Variants in TFAP2C observed in about 807,000 individuals in gnomAD.
TFAP2C encodes transcription factor AP-2 gamma, also known as activating enhancer-binding protein 2 gamma.
TFAP2C carries 9 observed loss-of-function variants against 42.9 expected under a neutral mutation model. The observed-to-expected ratio is 0.21, with a 90% CI of 0.13 to 0.37. The LOEUF is 0.37. Among genes scored for constraint, TFAP2C ranks in the 10% least tolerant of loss-of-function variants. The pLI is 1.00. For synonymous variants in TFAP2C, 264 were observed against 256.0 expected (o/e 1.03, Z -0.30); for missense variants, 462 against 591.7 (o/e 0.78, Z 2.27).
chr20:56,634,064 CT>C, intron 4 of TFAP2C, 85 bp from the exon 5 acceptor site: 1 of 881,794 alleles, frequency 1.1e-6, no homozygotes, highest in Non-Finnish European at 1.9e-6. Context: ...GACAGCAGCA[CT>C]TTAGGAGTTT....
chr20:56,631,179 TCTC>T lies in TFAP2C; in HGVS notation c.49-23_49-21del. ...GTAGCGGGGTTTCGCACTAACGGGG[TCTC>T]CTGTTTTTTTTTTTCCCTCCAGGAT... On this transcript the variant is annotated intron_variant, in intron 1 of 6. Coordinates refer to ENST00000201031, the MANE Select transcript of TFAP2C (RefSeq NM_003222.4). This position sits in a 1 kb window ranked among gnomAD's most constrained non-coding sequence, Gnocchi z 6.1. 6.8e-7 allele frequency: 1 copy of T among 1,477,788 alleles called. No homozygotes were observed. Among genetic ancestry groups the T allele is most frequent in the Non-Finnish European group, 9.0e-7 (1 of 1,117,028 alleles). 91.5% of individuals were successfully genotyped at this position (1,477,788 alleles called of 1,614,324 possible).
chr20:56,629,471 T>C lies in TFAP2C; in HGVS notation c.-74T>C. Reference sequence around the variant, plus strand: ...AGACGCCTGGTCACCGTGACCCCGATTTTGGATTTACCGCTTGGGGGCTGG... The same window carrying C: ...AGACGCCTGGTCACCGTGACCCCGACTTTGGATTTACCGCTTGGGGGCTGG... On this transcript the variant is annotated 5_prime_UTR_variant, in exon 1 of 7. Coordinates refer to ENST00000201031, the MANE Select transcript of TFAP2C (RefSeq NM_003222.4). The surrounding 1 kb of genome is among the most constrained non-coding windows in gnomAD (Gnocchi z 5.9). 2 of 1,299,226 alleles carry C rather than the reference T, an allele frequency of 1.5e-6. No homozygotes were observed. Among genetic ancestry groups the C allele is most frequent in the Non-Finnish European group, 2.0e-6 (2 of 1,002,840 alleles). 80.5% of individuals were successfully genotyped at this position (1,299,226 alleles called of 1,614,324 possible).
rs2146445894 is a variant in TFAP2C at position 56,630,886 on chromosome 20, C to T, written c.49-319C>T. 1.0e-6 allele frequency: 1 copy of T among 985,316 alleles called. No homozygotes were observed. Among genetic ancestry groups the T allele is most frequent in the Non-Finnish European group, 1.2e-6 (1 of 829,894 alleles). The allele number at this position is 985,316 out of a possible 1,614,324, so 61.0% of individuals were successfully genotyped here. A position where few individuals can be genotyped will look rare whatever the true frequency, so the allele number is the denominator to read the frequency against. ...CCCCGGGCTCCGGCCACGGACTTTT[C>T]TGGCCCAAGACCCAGGGTTCGGACT... On this transcript the variant is annotated intron_variant, in intron 1 of 6. Transcript: ENST00000201031. The surrounding 1 kb of genome is among the most constrained non-coding windows in gnomAD (Gnocchi z 5.1).
At position 56,638,111 on chromosome 20, in the gene TFAP2C, A is replaced by G. The variant is rs2069252908; in HGVS notation, c.*98A>G. The G allele has an allele frequency of 9.0e-7, 1 of 1,114,118 alleles. No homozygotes were observed. The highest frequency in any genetic ancestry group is 1.3e-6 in the Non-Finnish European group (1 of 792,988). 69.0% of individuals were successfully genotyped at this position (1,114,118 alleles called of 1,614,324 possible). A position where few individuals can be genotyped will look rare whatever the true frequency, so the allele number is the denominator to read the frequency against. Reference sequence around the variant, plus strand: ...TGGGAACCCCTCCTGGCCTGGGGGAAGAGTTTGTTACCTACCTTACTATTT... The same window carrying G: ...TGGGAACCCCTCCTGGCCTGGGGGAGGAGTTTGTTACCTACCTTACTATTT... On this transcript the variant is annotated 3_prime_UTR_variant, in exon 7 of 7. Transcript: ENST00000201031.
At position 56,629,908 on chromosome 20, in the gene TFAP2C, C is replaced by A. The variant is rs1987453176; in HGVS notation, c.48+316C>A. ...CTCGGAAAAGTGCCCCGTCTGCAAC[C>A]CTCAGACGTGGCTTTTACGCACGAA... On this transcript the variant is annotated intron_variant, in intron 1 of 6. Coordinates refer to ENST00000201031, the MANE Select transcript of TFAP2C (RefSeq NM_003222.4). The surrounding 1 kb of genome is among the most constrained non-coding windows in gnomAD (Gnocchi z 5.9). Among the ~76,000 whole-genome samples, 1 of 152,170 alleles carries A rather than the reference C, an allele frequency of 6.6e-6. No homozygotes were observed. The highest frequency in any genetic ancestry group is 1.9e-4 in the East Asian group (1 of 5,174).
rs1374903422 is a variant in TFAP2C, at chr20:56,638,393, TAGATCAAC to T, written c.*390_*397del. 2.1e-4 allele frequency: 38 copies of T among 180,764 alleles called. No homozygotes were observed. The highest frequency in any genetic ancestry group is 3.8e-4 in the Admixed American group (7 of 18,380). The allele number at this position is 180,764 out of a possible 1,614,324, so 11.2% of individuals were successfully genotyped here. On this transcript the variant is annotated 3_prime_UTR_variant, in exon 7 of 7. Coordinates refer to ENST00000201031, the MANE Select transcript of TFAP2C (RefSeq NM_003222.4). ...ATTGAAATGTCAAATTGATGTGCCC[TAGATCAAC>T]AGATCAACAATACCTTTTTTTTCAG...
rs1036936877 is a variant in TFAP2C at position 56,630,931 on chromosome 20, G to T, written c.49-274G>T. On this transcript the variant is annotated intron_variant, in intron 1 of 6. Transcript: ENST00000201031. This position sits in a 1 kb window ranked among gnomAD's most constrained non-coding sequence, Gnocchi z 5.1. ...CGGACTTGGCGCCTCCAAGCGCCTC[G>T]GGCTTGGGAGCAGCGCCTAGACCTT... The T allele has an allele frequency of 3.0e-6, 3 of 985,210 alleles. No individual in the cohort carries two copies. Among genetic ancestry groups the T allele is most frequent in the African/African-American group, 3.5e-5 (2 of 57,234 alleles). The allele number at this position is 985,210 out of a possible 1,614,324, so 61.0% of individuals were successfully genotyped here.
In TFAP2C at chr20:56,630,951, G is replaced by C; in HGVS notation, c.49-254G>C. On this transcript the variant is annotated intron_variant, in intron 1 of 6. Transcript: ENST00000201031. This position sits in a 1 kb window ranked among gnomAD's most constrained non-coding sequence, Gnocchi z 5.1. ...GCCTCGGGCTTGGGAGCAGCGCCTAGACCTTCGCCGCCGGGCTTTGAGAAC... is the reference window on the plus strand; with the variant it reads ...GCCTCGGGCTTGGGAGCAGCGCCTACACCTTCGCCGCCGGGCTTTGAGAAC... 1 of 985,428 alleles carries C rather than the reference G, an allele frequency of 1.0e-6. No individual in the cohort carries two copies. The allele number at this position is 985,428 out of a possible 1,614,324, so 61.0% of individuals were successfully genotyped here.
intron 6 of TFAP2C, 117 bp downstream of exon 6, chr20:56,636,871 G>T (rs1900580048): frequency 7.7e-7 from 1 of 1,299,656 alleles, no homozygotes; most frequent in African/African-American, 1.5e-5. Flanking sequence ...AATAAATTAG[G>T]GTGGAGCAAA....
At position 56,638,003 on chromosome 20, in the gene TFAP2C, A is replaced by G. The variant is rs1325705112; in HGVS notation, c.1343A>G (p.His448Arg). 1 of 1,612,532 alleles carries G rather than the reference A, an allele frequency of 6.2e-7. No individual in the cohort carries two copies. The highest frequency in any genetic ancestry group is 1.7e-5 in the Admixed American group (1 of 59,874). ...SNKTLEKMEKHRK is the reference protein window; with the variant it reads ...SNKTLEKMEKRRK ...AAAACCCTGGAGAAAATGGAGAAAC[A>G]CAGGAAATAAAATTGGAACGAAGAA... The change falls in exon 7 of 7, where the codon CAC becomes CGC. Residue 448 changes from histidine (H) to arginine (R), a missense_variant. His to Arg is a conservative substitution (Grantham distance 29, BLOSUM62 0). Coordinates refer to ENST00000201031, the MANE Select transcript of TFAP2C (RefSeq NM_003222.4).
chr20:56,631,380 C>T lies in TFAP2C; in HGVS notation c.224C>T (p.Pro75Leu). 1 of 1,611,370 alleles carries T rather than the reference C, an allele frequency of 6.2e-7. No individual in the cohort carries two copies. Among genetic ancestry groups the T allele is most frequent in the East Asian group, 2.2e-5 (1 of 44,722 alleles). ...QQLAYSQSAD[P>L]YSHLGEAYAA... ...CTGGCCTACTCCCAGTCGGCCGACC[C>T]CTACTCGCATCTGGGGGAAGCGTAC... Residue 75 changes from proline to leucine, a missense_variant, in exon 2 of 7, where the codon CCC (proline) becomes CTC (leucine). Physicochemically the swap from Pro to Leu is moderately conservative, Grantham distance 98 (BLOSUM62 -3). Around this residue, in one of 5 missense-constraint regions of TFAP2C, gnomAD observed 271 missense variants for 269.7 expected, o/e 1.00. Transcript: ENST00000201031. The surrounding 1 kb of genome is among the most constrained non-coding windows in gnomAD (Gnocchi z 6.1).
rs1254616050 is a variant in TFAP2C, at chr20:56,630,732, CCCGCGCCGCGCACTCTATCCGCGCCTG to C, written c.49-466_49-440del. ...CCGGGGGCGGGGGAGGTGCGCATTT[CCCGCGCCGCGCACTCTATCCGCGCCTG>C]CCGCGCTGCCACCTCCAGCAGTCCC... On this transcript the variant is annotated intron_variant, in intron 1 of 6. Coordinates refer to ENST00000201031, the MANE Select transcript of TFAP2C (RefSeq NM_003222.4). This position sits in a 1 kb window ranked among gnomAD's most constrained non-coding sequence, Gnocchi z 5.1. 15 of 985,254 alleles carry C rather than the reference CCCGCGCCGCGCACTCTATCCGCGCCTG, an allele frequency of 1.5e-5. No individual in the cohort carries two copies. Among genetic ancestry groups the C allele is most frequent in the African/African-American group, 3.5e-5 (2 of 57,240 alleles). The allele number at this position is 985,254 out of a possible 1,614,324, so 61.0% of individuals were successfully genotyped here.
Position 56,630,846 on chromosome 20 carries a change from G to T in TFAP2C, c.49-359G>T. ...CGGGCGTCCGGCTCCTTCGCCCCGG[G>T]CTCTGGCTCCTTCGCCCCGGGCTCC... On this transcript the variant is annotated intron_variant, in intron 1 of 6. Transcript: ENST00000201031. This position sits in a 1 kb window ranked among gnomAD's most constrained non-coding sequence, Gnocchi z 5.1. The T allele has an allele frequency of 3.0e-6, 3 of 984,166 alleles. No homozygotes were observed. The highest frequency in any genetic ancestry group is 3.6e-6 in the Non-Finnish European group (3 of 829,506). The allele number at this position is 984,166 out of a possible 1,614,324, so 61.0% of individuals were successfully genotyped here.
chr20:56,637,930 G>A lies in TFAP2C; in HGVS notation c.1270G>A (p.Asp424Asn). 5 of 1,613,446 alleles carry A rather than the reference G, an allele frequency of 3.1e-6. No homozygotes were observed. Among genetic ancestry groups the A allele is most frequent in the Non-Finnish European group, 4.2e-6 (5 of 1,179,388 alleles). The change falls in exon 7 of 7, where the codon GAC (aspartate) becomes AAC (asparagine). Residue 424 changes from aspartate (D) to asparagine (N), a missense_variant. Transcript: ENST00000201031. ...CATCAAAGAAGCCCTGATTGTCATA[G>A]ACAAATCCTACATGAACCCTGGAGA... ...NYIKEALIVI[D>N]KSYMNPGDQS... is the part of the protein sequence containing the mutation.
chr20:56,630,606 G>T lies in TFAP2C; in HGVS notation c.49-599G>T, dbSNP rs1228243023. 6 of 838,502 alleles carry T rather than the reference G, an allele frequency of 7.2e-6. No individual in the cohort carries two copies. Among genetic ancestry groups the T allele is most frequent in the Non-Finnish European group, 8.6e-6 (6 of 695,356 alleles). The allele number at this position is 838,502 out of a possible 1,614,324, so 51.9% of individuals were successfully genotyped here. A position where few individuals can be genotyped will look rare whatever the true frequency, so the allele number is the denominator to read the frequency against. On this transcript the variant is annotated intron_variant, in intron 1 of 6. Coordinates refer to ENST00000201031, the MANE Select transcript of TFAP2C (RefSeq NM_003222.4). The surrounding 1 kb of genome is among the most constrained non-coding windows in gnomAD (Gnocchi z 5.1). ...GCAGGGAGGGCCGCCCTGTGCGCGCGCTCCCTCTTCACTTCCCAGGGCGGC... is the reference window on the plus strand; with the variant it reads ...GCAGGGAGGGCCGCCCTGTGCGCGCTCTCCCTCTTCACTTCCCAGGGCGGC...
chr20:56,635,993 C>T (rs550377636), intron 5 of TFAP2C, among the ~76,000 whole-genome samples: 1 of 152,284 alleles, frequency 6.6e-6, no homozygotes, highest in South Asian at 2.1e-4. Flanking sequence ...TTATTTCCCC[C>T]CCGAATCTTT....
At chr20:56,633,826 G>C (rs144839803) in intron 4 of TFAP2C, among the ~76,000 whole-genome samples, 21 of 152,252 alleles carry the variant, frequency 1.4e-4, no homozygotes, top group African/African-American at 4.3e-4. Flanking sequence ...GAGGGGAGGT[G>C]GGGGGAGCAC....
Position 56,637,684 on chromosome 20 carries a change from A to G in TFAP2C, c.1068-44A>G, listed in dbSNP as rs989800069. On this transcript the variant is annotated intron_variant, in intron 6 of 6. Transcript: ENST00000201031. ...GTTGGTTCTGTGCTCTTGACCTGTA[A>G]GGAGCTAGATGGAACTCATCGAGTC... The G allele has an allele frequency of 5.0e-6, 8 of 1,598,756 alleles. No individual in the cohort carries two copies. The Admixed American group carries it at 8.4e-5, about 17-fold the overall frequency.
chr20:56,631,002 C>T lies in TFAP2C; in HGVS notation c.49-203C>T, dbSNP rs76263419. ...TCGTTCCCCCAGGTCTTTCACCAGA[C>T]TCTCCTCCCTCCCCGCACTCTTTGC... On this transcript the variant is annotated intron_variant, in intron 1 of 6. Transcript: ENST00000201031. This position sits in a 1 kb window ranked among gnomAD's most constrained non-coding sequence, Gnocchi z 6.1. 0.071 allele frequency: 69,485 copies of T among 985,350 alleles called. 2,605 individuals carry two copies. Among genetic ancestry groups the T allele is most frequent in the Non-Finnish European group, 0.077 (63,974 of 829,868 alleles). 61.0% of individuals were successfully genotyped at this position (985,350 alleles called of 1,614,324 possible).
Sources: allele counts gnomAD v4.1 joint callset (sites outside exome capture counted in the v4.1 genomes callset), GRCh38; gene constraint gnomAD v4.1.1; regional missense constraint gnomAD v4.1.1; non-coding constraint Gnocchi (gnomAD v3.1); transcripts MANE v1.5; gene names NCBI Gene and HGNC (gene_info 2026-07-23, HGNC 2026-07-21).